DOK6: variants seen among roughly 807,000 people sequenced by gnomAD.
The protein encoded by DOK6 is downstream of tyrosine kinase 6.
Under a neutral mutation model 44.0 loss-of-function variants are expected in DOK6, and 22 were observed. The ratio of observed to expected loss-of-function variants is 0.50; its 90% confidence interval spans 0.36 to 0.71. DOK6 has a LOEUF of 0.71. DOK6 is among the 30% of genes least tolerant of loss of function. The pLI is 0.00. For missense variants in DOK6, 340 were observed against 416.4 expected (o/e 0.82, Z 1.60); for synonymous variants, 166 against 145.5 (o/e 1.14, Z -1.01).
chr18:69,613,695 T>C (rs1394213473), intron 3 of DOK6, among the ~76,000 whole-genome samples: 1 of 152,024 alleles, frequency 6.6e-6, no homozygotes, highest in Non-Finnish European at 1.5e-5. Context: ...TGTCAGCATA[T>C]GAAACCTAAA....
intron 1 of DOK6, among the ~76,000 whole-genome samples, chr18:69,550,931 G>A (rs1190163790): frequency 6.6e-6 from 1 of 151,798 alleles, no homozygotes. Context: ...TTATGGGCAT[G>A]TGCCACCATG....
chr18:69,461,086 A>G (rs1353942085), intron 1 of DOK6, among the ~76,000 whole-genome samples: 1 of 152,194 alleles, frequency 6.6e-6, no homozygotes, highest in African/African-American at 2.4e-5. Flanking sequence ...CTTTGTCATT[A>G]TTATTAATTA....
chr18:69,473,192 A>G (rs564296946), intron 1 of DOK6, among the ~76,000 whole-genome samples: 8 of 152,356 alleles, frequency 5.3e-5, no homozygotes, highest in Non-Finnish European at 1.0e-4. Context: ...TAGGCTTGCC[A>G]AGTAAAATAT....
Position 69,743,995 on chromosome 18 carries a change from A to G in DOK6, c.738+4892A>G, listed in dbSNP as rs146015683. The stretch of plus-strand genomic sequence containing the variant: ...AAAAACATCATCAGTGGGACTTGTC[A>G]AATGGGCTGCCCTCCAGAGCTGTCA... On this transcript the variant is annotated intron_variant, in intron 6 of 7. Transcript: ENST00000382713. Among the ~76,000 whole-genome samples the G allele has an allele frequency of 2.5e-3, 378 of 152,296 alleles. 2 individuals carry two copies. The highest frequency in any genetic ancestry group is 1.5e-3 in the Non-Finnish European group (100 of 68,024).
intron 3 of DOK6, among the ~76,000 whole-genome samples, chr18:69,613,471 A>G (rs1984212011): frequency 6.6e-6 from 1 of 152,246 alleles, no homozygotes; most frequent in African/African-American, 2.4e-5. Flanking sequence ...AGTTTGGTTA[A>G]TAGACTCTGC....
intron 1 of DOK6, among the ~76,000 whole-genome samples, chr18:69,483,395 T>C (rs1025343412): frequency 1.3e-5 from 2 of 151,938 alleles, no homozygotes; most frequent in Non-Finnish European, 2.9e-5. Context: ...AAAGGAGTAA[T>C]TGCTGTTCTT....
rs73970154 is a variant in DOK6, at chr18:69,542,189, G to C, written c.67-22298G>C. 7.6e-4 allele frequency among the ~76,000 whole-genome samples: 116 copies of C among 151,650 alleles called. 1 individual carries two copies. Among genetic ancestry groups the C allele is most frequent in the African/African-American group, 2.7e-3 (111 of 41,480 alleles). On this transcript the variant is annotated intron_variant, in intron 1 of 7. Coordinates refer to ENST00000382713, the MANE Select transcript of DOK6 (RefSeq NM_152721.6). ...GTGGTTTATAGAACAGTTTGGAGAA[G>C]AAGAGAAGGATTAAATAGGAAACCA...
At chr18:69,583,752 CAAAAAAA>C (rs36222332) in intron 2 of DOK6, among the ~76,000 whole-genome samples, 10,803 of 143,612 alleles carry the variant, frequency 0.075, 423 homozygotes, top group Middle Eastern at 0.2. Context: ...TCCATCCATA[CAAAAAAA>C]AAAAAAAAAA....
rs140045531 is a variant in DOK6, at chr18:69,824,030, T to C, written c.857-17214T>C. Among the ~76,000 whole-genome samples, 512 of 148,894 alleles carry C rather than the reference T, an allele frequency of 3.4e-3. 3 individuals are homozygous for C. Among genetic ancestry groups the C allele is most frequent in the African/African-American group, 0.011 (451 of 40,614 alleles). ...AAACTTACATCAGACAGCCTTGTTA[T>C]AGTAGTTATTTTTCTTTTTTTTTAA... is the stretch of plus-strand genomic sequence containing the variant. On this transcript the variant is annotated intron_variant, in intron 7 of 7. Transcript: ENST00000382713.
intron 7 of DOK6, among the ~76,000 whole-genome samples, chr18:69,779,623 A>T (rs1599321658): frequency 6.6e-6 from 1 of 152,156 alleles, no homozygotes; most frequent in East Asian, 1.9e-4. Flanking sequence ...TAAGGAAAAA[A>T]ATAAAAAATA....
chr18:69,818,787 G>A lies in DOK6; in HGVS notation c.857-22457G>A, dbSNP rs566990580. 9.7e-4 allele frequency among the ~76,000 whole-genome samples: 147 copies of A among 152,258 alleles called. 1 individual carries two copies. Among genetic ancestry groups the A allele is most frequent in the African/African-American group, 3.2e-3 (131 of 41,568 alleles). The stretch of plus-strand genomic sequence containing the variant: ...GCCCCAGGCCAAAAACTGGAGCCAC[G>A]TAGAGATGATAAAGGCCCCCTAGTT... On this transcript the variant is annotated intron_variant, in intron 7 of 7. Coordinates refer to ENST00000382713, the MANE Select transcript of DOK6 (RefSeq NM_152721.6).
chr18:69,563,652 G>A (rs1225420196), intron 1 of DOK6, among the ~76,000 whole-genome samples: 20 of 132,944 alleles, frequency 1.5e-4, no homozygotes, highest in African/African-American at 4.7e-4. Context: ...GGCCTGTTGC[G>A]GGGTGGGGGG....
intron 1 of DOK6, among the ~76,000 whole-genome samples, chr18:69,440,344 G>C (rs548102785): frequency 6.6e-6 from 1 of 152,290 alleles, no homozygotes; most frequent in East Asian, 1.9e-4. Flanking sequence ...CAAAGAGACA[G>C]GAAGTGAGCA....
chr18:69,606,082 G>T (rs1983987953), intron 3 of DOK6, among the ~76,000 whole-genome samples: 1 of 151,994 alleles, frequency 6.6e-6, no homozygotes, highest in Non-Finnish European at 1.5e-5. Context: ...GATCATCCCA[G>T]GCAACATGGT....
intron 3 of DOK6, among the ~76,000 whole-genome samples, chr18:69,655,984 AAAAATTCCAGAATT>A (rs2144667232): frequency 6.6e-6 from 1 of 152,268 alleles, no homozygotes; most frequent in South Asian, 2.1e-4. Context: ...ATTGCTGAAA[AAAAATTCCAGAATT>A]GAAGAAAGAC....
chr18:69,759,882 AGGTAATTAC>A (rs1232263608), intron 7 of DOK6, among the ~76,000 whole-genome samples: 1 of 151,988 alleles, frequency 6.6e-6, no homozygotes, highest in African/African-American at 2.4e-5. Context: ...GTATTGACTA[AGGTAATTAC>A]TTAAGTCAAA....
chr18:69,612,908 G>A (rs771058825), intron 3 of DOK6, among the ~76,000 whole-genome samples: 14 of 149,516 alleles, frequency 9.4e-5, no homozygotes, highest in Non-Finnish European at 1.6e-4. Flanking sequence ...TTGAGACAGG[G>A]TCTTGCTCTG....
intron 6 of DOK6, among the ~76,000 whole-genome samples, chr18:69,757,525 C>T (rs1979394510): frequency 6.6e-6 from 1 of 152,154 alleles, no homozygotes; most frequent in African/African-American, 2.4e-5. Flanking sequence ...TGGAATCATT[C>T]GTACCATCTT....
chr18:69,648,237 T>G (rs981187866), intron 3 of DOK6, among the ~76,000 whole-genome samples: 1 of 152,198 alleles, frequency 6.6e-6, no homozygotes, highest in Non-Finnish European at 1.5e-5. Flanking sequence ...TAAAAAGAAA[T>G]CAATTCAAAA....
Sources: gnomAD v4.1 joint callset for allele counts (sites outside exome capture counted in the v4.1 genomes callset) on GRCh38, gnomAD v4.1.1 for gene constraint, MANE v1.5 for transcripts, NCBI Gene and HGNC (gene_info 2026-07-23, HGNC 2026-07-21) for gene names.